SUGCT: variants seen among roughly 807,000 people sequenced by gnomAD.
SUGCT encodes the protein succinyl-CoA:glutarate CoA-transferase.
A neutral mutation model predicts 55.0 loss-of-function variants in SUGCT; 41 were observed. The ratio of observed to expected loss-of-function variants is 0.74; its 90% confidence interval spans 0.58 to 0.97. The LOEUF (loss-of-function observed/expected upper bound fraction) is 0.97, where lower values mean the gene tolerates loss of function less well. Among genes scored for constraint, SUGCT ranks in the 50% least tolerant of loss-of-function variants. SUGCT has a pLI of 0.00. For missense variants in SUGCT, 568 were observed against 547.8 expected, an observed-to-expected ratio of 1.04 and a Z score of -0.37; for synonymous variants, 187 against 200.4, an observed-to-expected ratio of 0.93 and a Z score of 0.56.
chr7:40,430,196 C>T (rs542062511), intron 9 of SUGCT, among the ~76,000 whole-genome samples: 11 of 152,224 alleles, frequency 7.2e-5, no homozygotes, highest in African/African-American at 1.9e-4. Flanking sequence ...AGAGGGATTA[C>T]TGGGTCATAT....
At chr7:41,017,730 C>T in the SUGCT span, among the ~76,000 whole-genome samples, 1 of 147,204 alleles carries the variant, frequency 6.8e-6, no homozygotes, top group East Asian at 2.0e-4. Context: ...GAGATGGCAC[C>T]ACTGTGCTCC....
intron 12 of SUGCT, among the ~76,000 whole-genome samples, chr7:40,619,392 ATT>A (rs939103980): frequency 5.1e-4 from 78 of 152,336 alleles, no homozygotes; most frequent in African/African-American, 1.9e-3. Context: ...ATTGGAAAAT[ATT>A]TTGTTTATTT....
Position 40,173,326 on chromosome 7 carries a change from C to A in SUGCT, c.101-7621C>A, listed in dbSNP as rs183958732. On this transcript the variant is annotated intron_variant, in intron 1 of 13. Coordinates refer to ENST00000335693, the MANE Select transcript of SUGCT (RefSeq NM_001193313.2). Reference sequence around the variant, plus strand: ...GATCAGAAACACAGCGGACACCCTGCCAGATCCGGAGGGGTGGAAGTCAGC... The same window carrying A: ...GATCAGAAACACAGCGGACACCCTGACAGATCCGGAGGGGTGGAAGTCAGC... 2.3e-4 allele frequency among the ~76,000 whole-genome samples: 35 copies of A among 152,328 alleles called. No individual in the cohort carries two copies. In the East Asian group the frequency reaches 6.4e-3, roughly 28 times the overall value.
chr7:40,852,002 G>C (rs376676822), intron 13 of SUGCT, among the ~76,000 whole-genome samples: 63 of 152,266 alleles, frequency 4.1e-4, no homozygotes, highest in East Asian at 1.2e-3. Flanking sequence ...ACATTTAGAT[G>C]GTAAATGACT....
At chr7:40,369,002 G>C (rs1248963124) in intron 9 of SUGCT, among the ~76,000 whole-genome samples, 1 of 152,082 alleles carries the variant, frequency 6.6e-6, no homozygotes, top group Non-Finnish European at 1.5e-5. Context: ...TACTTGGGAG[G>C]CTGAGGCAGA....
At chr7:40,659,244 T>G (rs1801183973) in intron 12 of SUGCT, among the ~76,000 whole-genome samples, 1 of 152,170 alleles carries the variant, frequency 6.6e-6, no homozygotes, top group Non-Finnish European at 1.5e-5. Flanking sequence ...GGCAGTTCTA[T>G]TTCAGGGTTT....
intron 7 of SUGCT, among the ~76,000 whole-genome samples, chr7:40,251,897 C>T (rs1022028808): frequency 1.1e-4 from 6 of 53,850 alleles, no homozygotes; most frequent in Non-Finnish European, 2.5e-4. Context: ...CTCCTTTCTT[C>T]GGTTGTTAAT....
intron 9 of SUGCT, among the ~76,000 whole-genome samples, chr7:40,355,388 T>C (rs17171694): frequency 0.1 from 15,396 of 152,250 alleles, 1,163 homozygotes; most frequent in East Asian, 0.44. Context: ...CTTACTATTA[T>C]GTTTTGTAAC....
chr7:40,575,848 G>A (rs920213362), intron 12 of SUGCT, among the ~76,000 whole-genome samples: 21 of 151,930 alleles, frequency 1.4e-4, no homozygotes, highest in African/African-American at 4.8e-4. Flanking sequence ...AACAGGCTGA[G>A]GCAGGAGAAT....
At position 40,461,669 on chromosome 7, in the gene SUGCT, C is replaced by T. The variant is rs368661803; in HGVS notation, c.986+2471C>T. On this transcript the variant is annotated intron_variant, in intron 11 of 13. Transcript: ENST00000335693. ...TGATACTGCTCTAGGGCCTTCTCAACATTCTCGTCTTGCTCAGCACATGCA... is the reference window on the plus strand; with the variant it reads ...TGATACTGCTCTAGGGCCTTCTCAATATTCTCGTCTTGCTCAGCACATGCA... 1.6e-4 allele frequency among the ~76,000 whole-genome samples: 24 copies of T among 152,314 alleles called. No individual in the cohort carries two copies. In the South Asian group the frequency reaches 5.0e-3, roughly 32 times the overall value.
At chr7:40,466,821 G>C (rs1790135589) in intron 11 of SUGCT, among the ~76,000 whole-genome samples, 1 of 152,182 alleles carries the variant, frequency 6.6e-6, no homozygotes, top group East Asian at 1.9e-4. Flanking sequence ...CTGAATTTGA[G>C]ATCCTAGTCT....
intron 12 of SUGCT, among the ~76,000 whole-genome samples, chr7:40,621,997 A>G (rs775412685): frequency 3.5e-4 from 53 of 152,318 alleles, no homozygotes; most frequent in Admixed American, 1.1e-3. Flanking sequence ...CAGCATCGTT[A>G]GGCAGCTGTC....
At chr7:40,439,818 A>G (rs1172940879) in intron 9 of SUGCT, among the ~76,000 whole-genome samples, 1 of 152,138 alleles carries the variant, frequency 6.6e-6, no homozygotes, top group Middle Eastern at 3.2e-3. Flanking sequence ...AGACTGCTCA[A>G]ACAGATGTCT....
At chr7:40,985,844 T>G in the SUGCT span, among the ~76,000 whole-genome samples, 1 of 152,290 alleles carries the variant, frequency 6.6e-6, no homozygotes, top group East Asian at 1.9e-4. Context: ...CCCTTCTGGA[T>G]AGTAAAATTA....
intron 1 of SUGCT, among the ~76,000 whole-genome samples, chr7:40,137,798 C>G (rs1787775923): frequency 6.6e-6 from 1 of 152,152 alleles, no homozygotes; most frequent in Non-Finnish European, 1.5e-5. Context: ...CCTTCCACCT[C>G]AGCCTCCCAA....
chr7:40,183,342 T>C (rs1785323157), intron 3 of SUGCT, among the ~76,000 whole-genome samples: 1 of 152,166 alleles, frequency 6.6e-6, no homozygotes, highest in Non-Finnish European at 1.5e-5. Context: ...CTATTCCTTT[T>C]TGTTTTTATT....
chr7:40,276,889 C>T (rs1377295964), intron 8 of SUGCT, among the ~76,000 whole-genome samples: 5 of 151,966 alleles, frequency 3.3e-5, no homozygotes, highest in Non-Finnish European at 7.4e-5. Context: ...AATTCTATGA[C>T]TGCTGGCACA....
intron 12 of SUGCT, among the ~76,000 whole-genome samples, chr7:40,711,464 T>A (rs1282806745): frequency 3.9e-5 from 6 of 152,036 alleles, no homozygotes; most frequent in Non-Finnish European, 8.8e-5. Flanking sequence ...ATCCCACCAC[T>A]GTACTCCAGC....
intron 13 of SUGCT, among the ~76,000 whole-genome samples, chr7:40,818,930 C>T (rs1008636192): frequency 8.2e-6 from 1 of 122,160 alleles, no homozygotes; most frequent in Non-Finnish European, 1.7e-5. Flanking sequence ...CACAACAGGC[C>T]CCAGTGTGTG....
Sources: allele counts gnomAD v4.1 joint callset (sites outside exome capture counted in the v4.1 genomes callset), GRCh38; gene constraint gnomAD v4.1.1; transcripts MANE v1.5; gene names NCBI Gene and HGNC (gene_info 2026-07-23, HGNC 2026-07-21).